The following FAM91A1 variants were observed in gnomAD, a reference collection of about 807,000 sequenced individuals.
FAM91A1 encodes the protein family with sequence similarity 91 member A1.
Under a neutral mutation model 113.5 loss-of-function variants are expected in FAM91A1, and 41 were observed. The ratio of observed to expected loss-of-function variants is 0.36; its 90% CI spans 0.28 to 0.47. The LOEUF is 0.47. Among genes scored for constraint, FAM91A1 ranks in the 20% least tolerant of loss-of-function variants. The pLI, the probability that FAM91A1 is intolerant of heterozygous loss-of-function variation, is 1.00. For synonymous variants in FAM91A1, 307 were observed against 347.9 expected (o/e 0.88, Z 1.31); for missense variants, 696 against 1,001.2 (o/e 0.70, Z 4.11).
chr8:123,786,117 C>T (rs900420908), intron 11 of FAM91A1: 1 of 246,310 alleles, frequency 4.1e-6, no homozygotes, highest in South Asian at 5.3e-5. Flanking sequence ...CTGCACCTGG[C>T]CCAGAAATTT....
intron 3 of FAM91A1, among the ~76,000 whole-genome samples, chr8:123,775,559 T>C (rs1400702411): frequency 6.6e-6 from 1 of 152,228 alleles, no homozygotes; most frequent in Non-Finnish European, 1.5e-5. Context: ...TGTGCTGTTG[T>C]AGTACTGATC....
intron 12 of FAM91A1, 79 bp downstream of exon 12, chr8:123,786,689 T>C: frequency 1.8e-6 from 2 of 1,099,340 alleles, no homozygotes; most frequent in South Asian, 2.6e-5. Flanking sequence ...ACAGTTACCT[T>C]CTAATTTTAG....
chr8:123,813,919 T>C lies in FAM91A1; in HGVS notation c.*1215T>C, dbSNP rs1255056012. On this transcript the variant is annotated 3_prime_UTR_variant, in exon 24 of 24. Coordinates refer to ENST00000334705, the MANE Select transcript of FAM91A1 (RefSeq NM_144963.4). ...CAACATATATCTAAAACACTTAAAA[T>C]GTTAGGAAGTTTGGGAATGTTATAA... is the stretch of plus-strand genomic sequence containing the variant. 1 of 211,216 alleles carries C rather than the reference T, an allele frequency of 4.7e-6. No individual in the cohort carries two copies. Among genetic ancestry groups the C allele is most frequent in the Non-Finnish European group, 9.5e-6 (1 of 104,882 alleles). 13.1% of individuals were successfully genotyped at this position (211,216 alleles called of 1,614,324 possible).
chr8:123,783,080 G>T (rs187946379), intron 8 of FAM91A1, among the ~76,000 whole-genome samples: 1 of 152,138 alleles, frequency 6.6e-6, no homozygotes, highest in East Asian at 1.9e-4. Flanking sequence ...GGGGACTGGG[G>T]CAAGAGGATT....
intron 8 of FAM91A1, among the ~76,000 whole-genome samples, chr8:123,781,216 A>C (rs1307845265): frequency 6.6e-6 from 1 of 152,180 alleles, no homozygotes; most frequent in Admixed American, 6.5e-5. Flanking sequence ...GTCTTGTGGC[A>C]TATCTTTTAA....
chr8:123,784,535 A>C lies in FAM91A1; in HGVS notation c.769A>C (p.Lys257Gln). 3 of 1,608,070 alleles carry C rather than the reference A, an allele frequency of 1.9e-6. No homozygotes were observed. The highest frequency in any genetic ancestry group is 2.5e-6 in the Non-Finnish European group (3 of 1,177,916). ...QGDYFETLLY[K>Q]IFVSIDEHTN... ...TGATTATTTTGAAACTCTACTCTAT[A>C]AGATATTTGTTTCAATAGATGAGCA... Residue 257 changes from lysine to glutamine, a missense_variant, in exon 9 of 24, where the codon AAG becomes CAG. Coordinates refer to ENST00000334705, the MANE Select transcript of FAM91A1 (RefSeq NM_144963.4).
intron 16 of FAM91A1, 46 bp downstream of exon 16, chr8:123,798,284 A>G (rs747185505): frequency 1.6e-5 from 26 of 1,587,578 alleles, no homozygotes; most frequent in Non-Finnish European, 2.1e-5. Flanking sequence ...CATGAGTCCC[A>G]TCAGTTTTGT....
intron 13 of FAM91A1, 54 bp from the exon 14 acceptor site, chr8:123,787,610 G>A: frequency 1.4e-6 from 2 of 1,389,530 alleles, no homozygotes; most frequent in Non-Finnish European, 2.0e-6. Flanking sequence ...TTGATAGTAT[G>A]CTTAGCATAA....
intron 8 of FAM91A1, 138 bp from the exon 9 acceptor site, chr8:123,784,332 T>C: frequency 1.8e-6 from 1 of 556,266 alleles, no homozygotes. Flanking sequence ...GAAAACTTGC[T>C]ATGGAGTGGA....
Position 123,778,772 on chromosome 8 carries a change from G to T in FAM91A1, c.549G>T (p.Lys183Asn). ...GCTATATCACAGAAGATGACATCAAGGTAGAAATCTTTAAAAGTTAAACAT... is the reference window on the plus strand; with the variant it reads ...GCTATATCACAGAAGATGACATCAATGTAGAAATCTTTAAAAGTTAAACAT... The part of the protein sequence containing the change: ...QAGYITEDDI[K>N]ICTLPEKCAV... Residue 183 changes from lysine to asparagine, a missense_variant and splice_region_variant, in exon 6 of 24, where the codon AAG becomes AAT. Physicochemically the swap from Lys to Asn is moderately conservative, Grantham distance 94. Transcript: ENST00000334705. 1 of 1,477,254 alleles carries T rather than the reference G, an allele frequency of 6.8e-7. No individual in the cohort carries two copies. The highest frequency in any genetic ancestry group is 9.0e-7 in the Non-Finnish European group (1 of 1,110,112). The allele number at this position is 1,477,254 out of a possible 1,614,324, so 91.5% of individuals were successfully genotyped here.
chr8:123,775,913 C>T (rs1021731809), intron 3 of FAM91A1, among the ~76,000 whole-genome samples: 5 of 151,508 alleles, frequency 3.3e-5, no homozygotes, highest in South Asian at 2.1e-4. Context: ...TGCAGTGAGC[C>T]GAGATAGCGC....
chr8:123,795,336 T>G (rs1245425746), intron 15 of FAM91A1, among the ~76,000 whole-genome samples: 1 of 151,906 alleles, frequency 6.6e-6, no homozygotes, highest in Non-Finnish European at 1.5e-5. Context: ...TGGAGGGAGG[T>G]TGTTGGATCA....
chr8:123,771,973 T>C (rs1814856152), intron 1 of FAM91A1, among the ~76,000 whole-genome samples: 1 of 152,192 alleles, frequency 6.6e-6, no homozygotes, highest in Non-Finnish European at 1.5e-5. Context: ...AAAATTACTT[T>C]TTTTTTCTTC....
chr8:123,790,211 A>G (rs1456080137), intron 15 of FAM91A1, among the ~76,000 whole-genome samples: 1 of 152,256 alleles, frequency 6.6e-6, no homozygotes. Context: ...AATTCTTTTT[A>G]AAGAGTAAAA....
chr8:123,810,524 C>A, intron 23 of FAM91A1, 173 bp downstream of exon 23: 1 of 718,498 alleles, frequency 1.4e-6, no homozygotes, highest in Admixed American at 2.7e-5. Flanking sequence ...ACATTTCACT[C>A]GCCAGGTCTT....
intron 19 of FAM91A1, 50 bp downstream of exon 19, chr8:123,805,389 T>C: frequency 1.5e-6 from 2 of 1,379,008 alleles, no homozygotes; most frequent in Non-Finnish European, 2.0e-6. Flanking sequence ...TAATTATTAC[T>C]CATGTCAACA....
At chr8:123,790,555 A>G (rs912992047) in intron 15 of FAM91A1, among the ~76,000 whole-genome samples, 2 of 152,182 alleles carry the variant, frequency 1.3e-5, no homozygotes, top group Non-Finnish European at 2.9e-5. Context: ...GATTAGTTTC[A>G]TTTACCTAAA....
At chr8:123,773,834 A>G (rs1292804847) in intron 1 of FAM91A1, among the ~76,000 whole-genome samples, 1 of 152,236 alleles carries the variant, frequency 6.6e-6, no homozygotes, top group Non-Finnish European at 1.5e-5. Flanking sequence ...TTGATATTAA[A>G]TACTTCGGAT....
intron 15 of FAM91A1, among the ~76,000 whole-genome samples, chr8:123,796,092 A>G (rs1232029723): frequency 6.6e-6 from 1 of 152,174 alleles, no homozygotes; most frequent in Non-Finnish European, 1.5e-5. Flanking sequence ...CAGAACCCGC[A>G]TGTGTTCAAC....
Sources: gnomAD v4.1 joint callset for allele counts (sites outside exome capture counted in the v4.1 genomes callset) on GRCh38, gnomAD v4.1.1 for gene constraint, MANE v1.5 for transcripts, NCBI Gene and HGNC (gene_info 2026-07-23, HGNC 2026-07-21) for gene names.